The following RAMP1 variants were observed in gnomAD, a reference collection of about 807,000 sequenced individuals.
The protein encoded by RAMP1 is receptor activity modifying protein 1, also known as receptor activity-modifying protein 1.
A neutral mutation model predicts 8.2 loss-of-function variants in RAMP1; 7 were observed. That is an observed-to-expected ratio of 0.85 (90% CI 0.49 to 1.60). The LOEUF (loss-of-function observed/expected upper bound fraction) is 1.60. RAMP1 is among the 40% of genes most tolerant of loss of function. The pLI is 0.00. For missense variants in RAMP1, 192 were observed against 202.4 expected (o/e 0.95, Z 0.31); for synonymous variants, 92 against 84.7 (o/e 1.09, Z -0.47).
At chr2:237,883,947 G>C (rs1183825148) in intron 2 of RAMP1, among the ~76,000 whole-genome samples, 2 of 137,628 alleles carry the variant, frequency 1.5e-5, no homozygotes, top group Non-Finnish European at 3.0e-5. Context: ...GCGCATTCAG[G>C]GTTTGTAGCC....
intron 1 of RAMP1, among the ~76,000 whole-genome samples, chr2:237,872,639 C>G (rs1344904980): frequency 6.6e-6 from 1 of 152,218 alleles, no homozygotes; most frequent in African/African-American, 2.4e-5. Flanking sequence ...TGCATCCAGG[C>G]TGTACCACTC....
chr2:237,878,283 G>A lies in RAMP1; in HGVS notation c.191+921G>A, dbSNP rs1460976826. 6.6e-6 allele frequency among the ~76,000 whole-genome samples: 1 copy of A among 152,236 alleles called. No individual in the cohort carries two copies. The highest frequency in any genetic ancestry group is 3.2e-3 in the Middle Eastern group (1 of 316). On this transcript the variant is annotated intron_variant, in intron 2 of 2. Transcript: ENST00000254661. The surrounding 1 kb of genome is among the most constrained non-coding windows in gnomAD (Gnocchi z 5.7). ...GAGAAAGGGAGCCCTGGGGACTGGT[G>A]GGGAGGGCCAGGGGCAGGGAGGAGG...
intron 2 of RAMP1, among the ~76,000 whole-genome samples, chr2:237,887,879 C>T (rs898275117): frequency 6.6e-6 from 1 of 152,228 alleles, no homozygotes; most frequent in African/African-American, 2.4e-5. Flanking sequence ...TGTGCCACTC[C>T]ATTCCAGCCC....
intron 2 of RAMP1, among the ~76,000 whole-genome samples, chr2:237,892,565 TTTCTC>T (rs1278276518): frequency 2.6e-5 from 4 of 152,136 alleles, no homozygotes; most frequent in African/African-American, 4.8e-5. Flanking sequence ...CAGCCTGTGT[TTTCTC>T]TTCTATTATT....
chr2:237,886,020 G>A (rs1318227927), intron 2 of RAMP1, among the ~76,000 whole-genome samples: 1 of 152,204 alleles, frequency 6.6e-6, no homozygotes, highest in Admixed American at 6.5e-5. Context: ...AGAGAAGGAG[G>A]TGGCTGTGCC....
At chr2:237,879,702 A>G (rs1045369758) in intron 2 of RAMP1, among the ~76,000 whole-genome samples, 3 of 148,934 alleles carry the variant, frequency 2.0e-5, no homozygotes, top group Non-Finnish European at 4.5e-5. Flanking sequence ...AAAAAAAAAA[A>G]AATCTGACCG....
rs527861295 is a variant in RAMP1, at chr2:237,910,822, TAGTCACAC to T, written c.192-698_192-691del. On this transcript the variant is annotated intron_variant, in intron 2 of 2. Transcript: ENST00000254661. ...TCACACACAGTCACAAAGAGAATAA[TAGTCACAC>T]AGTCACATGCAGAATAACACAGTTA... Among the ~76,000 whole-genome samples, 54 of 143,660 alleles carry T rather than the reference TAGTCACAC, an allele frequency of 3.8e-4. No homozygotes were observed. In the East Asian group the frequency reaches 5.4e-3, roughly 14 times the overall value. The allele number at this position is 143,660 out of a possible 152,430, so 94.2% of individuals were successfully genotyped here.
At chr2:237,864,516 G>A (rs1318741231) in intron 1 of RAMP1, among the ~76,000 whole-genome samples, 4 of 152,172 alleles carry the variant, frequency 2.6e-5, no homozygotes, top group South Asian at 2.1e-4. Context: ...AGGGAATGCC[G>A]GGAAAGCGCT....
At position 237,878,715 on chromosome 2, in the gene RAMP1, A is replaced by G. The variant is rs1351498691; in HGVS notation, c.191+1353A>G. Among the ~76,000 whole-genome samples the G allele has an allele frequency of 6.6e-6, 1 of 152,222 alleles. No individual in the cohort carries two copies. The highest frequency in any genetic ancestry group is 1.5e-5 in the Non-Finnish European group (1 of 68,030). On this transcript the variant is annotated intron_variant, in intron 2 of 2. Coordinates refer to ENST00000254661, the MANE Select transcript of RAMP1 (RefSeq NM_005855.4). This position sits in a 1 kb window ranked among gnomAD's most constrained non-coding sequence, Gnocchi z 5.7. ...TCCCTCAGGCCCAGAGTCCGTGCTC[A>G]GTGCACTGTTGTTGAGGCGACTCTG...
At chr2:237,892,755 C>CTCTG (rs1174491180) in intron 2 of RAMP1, among the ~76,000 whole-genome samples, 2 of 150,534 alleles carry the variant, frequency 1.3e-5, no homozygotes, top group East Asian at 3.9e-4. Context: ...CTCTCTCTCT[C>CTCTG]TCTTCTCCAT....
chr2:237,890,207 T>A (rs189046211), intron 2 of RAMP1, among the ~76,000 whole-genome samples: 4,266 of 151,846 alleles, frequency 0.028, 190 homozygotes, highest in African/African-American at 0.097. Context: ...GGAAATAATT[T>A]TTTTTTTTTT....
chr2:237,886,688 G>T (rs981863992), intron 2 of RAMP1, among the ~76,000 whole-genome samples: 2 of 152,238 alleles, frequency 1.3e-5, no homozygotes, highest in Admixed American at 6.5e-5. Context: ...ACCTTCCCCA[G>T]ACCCTGTGGT....
In RAMP1 at chr2:237,898,490, G is replaced by A. The variant is rs527870894; in HGVS notation, c.192-13038G>A. On this transcript the variant is annotated intron_variant, in intron 2 of 2. Transcript: ENST00000254661. ...GGGGGATGGGAGCAGCCACTCACCC[G>A]TAGGAGTTCCAGGTGTGCACAGCTG... Among the ~76,000 whole-genome samples the A allele has an allele frequency of 8.5e-5, 13 of 152,300 alleles. No individual in the cohort carries two copies. In the South Asian group the frequency reaches 1.2e-3, roughly 15 times the overall value.
intron 2 of RAMP1, among the ~76,000 whole-genome samples, chr2:237,888,825 G>A (rs1194513203): frequency 1.3e-5 from 2 of 152,152 alleles, no homozygotes; most frequent in Non-Finnish European, 2.9e-5. Context: ...AGGCTGGAGT[G>A]CAGCGGCACA....
At chr2:237,882,835 G>T (rs1432838099) in intron 2 of RAMP1, among the ~76,000 whole-genome samples, 1 of 152,138 alleles carries the variant, frequency 6.6e-6, no homozygotes, top group Non-Finnish European at 1.5e-5. Flanking sequence ...ATCACCAGGT[G>T]TGGGCAGGTG....
At chr2:237,901,556 G>T (rs2151020783) in intron 2 of RAMP1, among the ~76,000 whole-genome samples, 1 of 152,362 alleles carries the variant, frequency 6.6e-6, no homozygotes, top group South Asian at 2.1e-4. Context: ...AAGGTCCTGA[G>T]GCAGAACACT....
chr2:237,873,010 A>C lies in RAMP1; in HGVS notation c.53-4214A>C, dbSNP rs114708715. On this transcript the variant is annotated intron_variant, in intron 1 of 2. Transcript: ENST00000254661. ...TGCACTCCAGCCTGGGCAACAGACCAAGACCCCGTCTCAAAATCAAATAAA... is the reference window on the plus strand; with the variant it reads ...TGCACTCCAGCCTGGGCAACAGACCCAGACCCCGTCTCAAAATCAAATAAA... Among the ~76,000 whole-genome samples the C allele has an allele frequency of 3.7e-3, 562 of 152,328 alleles. 2 individuals carry two copies. The highest frequency in any genetic ancestry group is 6.9e-3 in the Admixed American group (105 of 15,304).
chr2:237,909,987 G>A (rs550061325), intron 2 of RAMP1, among the ~76,000 whole-genome samples: 138 of 152,142 alleles, frequency 9.1e-4, no homozygotes, highest in Admixed American at 2.6e-3. Context: ...CCCTCTGCCC[G>A]TGCCGCCCAG....
At chr2:237,901,909 C>T (rs2062601824) in intron 2 of RAMP1, among the ~76,000 whole-genome samples, 2 of 152,078 alleles carry the variant, frequency 1.3e-5, no homozygotes, top group South Asian at 4.1e-4. Context: ...AATAACCCAT[C>T]CACCAGGACG....
Sources: allele counts gnomAD v4.1 joint callset (sites outside exome capture counted in the v4.1 genomes callset), GRCh38; gene constraint gnomAD v4.1.1; non-coding constraint Gnocchi (gnomAD v3.1); transcripts MANE v1.5; gene names NCBI Gene and HGNC (gene_info 2026-07-23, HGNC 2026-07-21).